Variants in AMELY observed in about 807,000 individuals in gnomAD.
AMELY encodes amelogenin, Y isoform.
AMELY carries 4 observed loss-of-function variants against 4.2 expected under a neutral mutation model. The observed-to-expected ratio is 0.96, with a 90% confidence interval of 0.47 to 2.19. The LOEUF (loss-of-function observed/expected upper bound fraction) is 2.19, where lower values mean the gene tolerates loss of function less well. Ranked by LOEUF, AMELY falls within the 30% of genes most tolerant of loss-of-function variation. The probability of loss-of-function intolerance (pLI) is 0.02; values close to 1 mark genes in which losing one functional copy is unlikely to be tolerated. For synonymous variants in AMELY, 11 were observed against 14.7 expected, an observed-to-expected ratio of 0.75 and a Z score of 0.57; for missense variants, 32 against 41.5, an observed-to-expected ratio of 0.77 and a Z score of 0.63.
chrY:6,885,428 TTGTG>T (rs2054079437), intron 1 of AMELY, among the ~76,000 whole-genome samples: 1 of 34,226 alleles, frequency 2.9e-5, no homozygotes, highest in Admixed American at 2.6e-4. Context: ...GGAGCCAAAA[TTGTG>T]CCACTGCACT....
At chrY:6,911,450 G>A (rs775173088) in intron 1 of AMELY, among the ~76,000 whole-genome samples, 1 of 34,650 alleles carries the variant, frequency 2.9e-5, no homozygotes, top group Non-Finnish European at 7.3e-5. Context: ...GCCCCGACCT[G>A]GGTGGAAGCG....
At chrY:6,873,048 G>A in intron 2 of AMELY, among the ~76,000 whole-genome samples, 2 of 32,927 alleles carry the variant, frequency 6.1e-5, no homozygotes, top group Non-Finnish European at 1.5e-4. Flanking sequence ...ATGAGGAGCT[G>A]AGAAATATTT....
intron 1 of AMELY, chrY:6,900,606 C>T (rs2054088554): frequency 6.7e-5 from 2 of 29,823 alleles, no homozygotes; most frequent in Admixed American, 6.2e-4. Context: ...GACAGATTCC[C>T]CACAGCTAGT....
chrY:6,880,009 A>G (rs2054074127), intron 1 of AMELY, among the ~76,000 whole-genome samples: 1 of 32,658 alleles, frequency 3.1e-5, no homozygotes, highest in Non-Finnish European at 7.5e-5. Context: ...CTTAGGATTG[A>G]CTTGGTGATG....
At chrY:6,872,068 C>T in intron 3 of AMELY, among the ~76,000 whole-genome samples, 2 of 33,020 alleles carry the variant, frequency 6.1e-5, no homozygotes, top group South Asian at 7.0e-4. Context: ...ATGGTATCAA[C>T]TGAATCTCCT....
chrY:6,885,261 C>T (rs568523496), intron 1 of AMELY, among the ~76,000 whole-genome samples: 4 of 32,660 alleles, frequency 1.2e-4, no homozygotes, highest in South Asian at 1.4e-3. Flanking sequence ...GGGCGGATCA[C>T]GAGGTCAGGA....
intron 1 of AMELY, among the ~76,000 whole-genome samples, chrY:6,891,431 G>A: frequency 3.0e-5 from 1 of 33,622 alleles, no homozygotes; most frequent in Non-Finnish European, 7.4e-5. Context: ...GAAATCTTTA[G>A]TGTTGTGAGC....
rs546050139 is a variant in AMELY at position 6,880,722 on chromosome Y, T to C, written c.-112-6651A>G. 3.0e-3 allele frequency among the ~76,000 whole-genome samples: 101 copies of C among 33,399 alleles called. No individual in the cohort carries two copies. In the South Asian group the frequency reaches 0.05, roughly 17 times the overall value. The allele number at this position is 33,399 out of a possible 37,273, so 89.6% of individuals were successfully genotyped here. A position where few individuals can be genotyped will look rare whatever the true frequency, so the allele number is the denominator to read the frequency against. ...AATTTCAGAATTTGTTGTTGGTCTA[T>C]ACAGGGATTCGACTTCTTCCTGGTT... is the stretch of plus-strand genomic sequence containing the variant. On this transcript the variant is annotated intron_variant, in intron 1 of 6. Transcript: ENST00000651267.
At chrY:6,900,574 G>T (rs2054088542) in intron 1 of AMELY, among the ~76,000 whole-genome samples, 1 of 30,876 alleles carries the variant, frequency 3.2e-5, no homozygotes, top group African/African-American at 1.3e-4. Flanking sequence ...TTCTTCCATC[G>T]CTGGGTCAGG....
intron 3 of AMELY, among the ~76,000 whole-genome samples, chrY:6,870,918 TG>T (rs2054067113): frequency 3.0e-5 from 1 of 33,428 alleles, no homozygotes; most frequent in Non-Finnish European, 7.4e-5. Context: ...GAGACAATCA[TG>T]AAGAAAATCT....
At chrY:6,885,400 A>G (rs543962507) in intron 1 of AMELY, among the ~76,000 whole-genome samples, 59 of 34,333 alleles carry the variant, frequency 1.7e-3, no homozygotes, top group African/African-American at 5.8e-3. Flanking sequence ...GCATGAGCCC[A>G]GGAGGCAGAG....
chrY:6,891,642 A>C (rs892132124), intron 1 of AMELY, among the ~76,000 whole-genome samples: 2 of 33,671 alleles, frequency 5.9e-5, no homozygotes, highest in African/African-American at 2.3e-4. Flanking sequence ...AGGTGTTTAA[A>C]TCTAGCTACT....
At chrY:6,908,031 G>C (rs2011669716) in intron 1 of AMELY, among the ~76,000 whole-genome samples, 1 of 32,530 alleles carries the variant, frequency 3.1e-5, no homozygotes, top group Non-Finnish European at 7.5e-5. Flanking sequence ...AAGTGGAGAC[G>C]GGGTTTCACC....
chrY:6,902,636 C>T, intron 1 of AMELY, among the ~76,000 whole-genome samples: 1 of 31,799 alleles, frequency 3.1e-5, no homozygotes, highest in Non-Finnish European at 7.6e-5. Context: ...TTTCAACCTC[C>T]GCCTCCCGGG....
At chrY:6,884,272 G>A (rs2054077283) in intron 1 of AMELY, among the ~76,000 whole-genome samples, 1 of 24,695 alleles carries the variant, frequency 4.0e-5, no homozygotes, top group Admixed American at 3.9e-4. Flanking sequence ...CACACACTGG[G>A]GCCTGTCAGG....
At position 6,868,333 on chromosome Y, in the gene AMELY, G is replaced by C. The variant is rs751678573; in HGVS notation, c.277C>G (p.Gln93Glu). Residue 93 changes from glutamine to glutamate, a missense_variant, in exon 6 of 7, where the codon CAG becomes GAG. Physicochemically the swap from Gln to Glu is conservative, Grantham distance 29. Coordinates refer to ENST00000651267, the MANE Select transcript of AMELY (RefSeq NM_001143.2). ...HHHIPVVPAQ[Q>E]PRVRQQALMP... ...AGTGCTTGCTGGCGGACCCTGGGCT[G>C]CTGAGCTGGCACCACTGGGATGTGG... The C allele has an allele frequency of 1.3e-5, 5 of 398,321 alleles. No homozygotes were observed. Among genetic ancestry groups the C allele is most frequent in the South Asian group, 3.0e-5 (1 of 33,435 alleles).
chrY:6,880,886 T>C (rs2054074749), intron 1 of AMELY, among the ~76,000 whole-genome samples: 1 of 32,600 alleles, frequency 3.1e-5, no homozygotes, highest in Non-Finnish European at 7.5e-5. Context: ...CCCTTTATCA[T>C]TTTTTAATGA....
chrY:6,891,408 G>A, intron 1 of AMELY, among the ~76,000 whole-genome samples: 2 of 33,582 alleles, frequency 6.0e-5, no homozygotes, highest in Non-Finnish European at 1.5e-4. Flanking sequence ...AATGAATCAC[G>A]ACCCTTTCAT....
chrY:6,870,657 C>A (rs2054066901), intron 3 of AMELY, among the ~76,000 whole-genome samples: 1 of 33,397 alleles, frequency 3.0e-5, no homozygotes, highest in Non-Finnish European at 7.4e-5. Flanking sequence ...TTAATGAATG[C>A]CAGAACAAGA....
Sources: gnomAD v4.1 joint callset for allele counts (sites outside exome capture counted in the v4.1 genomes callset) on GRCh38, gnomAD v4.1.1 for gene constraint, MANE v1.5 for transcripts, NCBI Gene and HGNC (gene_info 2026-07-23, HGNC 2026-07-21) for gene names.